Variants in KIAA0825 observed in about 807,000 individuals in gnomAD.
The protein encoded by KIAA0825 is KIAA0825, also known as uncharacterized protein KIAA0825.
A neutral mutation model predicts 147.6 loss-of-function variants in KIAA0825; 119 were observed. The observed-to-expected ratio is 0.81, with a 90% CI of 0.69 to 0.94. The LOEUF is 0.94. Among genes scored for constraint, KIAA0825 ranks in the 40% least tolerant of loss-of-function variants. The probability of loss-of-function intolerance (pLI) is 0.00; values close to 1 mark genes in which losing one functional copy is unlikely to be tolerated. For missense variants in KIAA0825, 1,381 were observed against 1,472.7 expected (o/e 0.94, Z 1.02); for synonymous variants, 470 against 518.1 (o/e 0.91, Z 1.26).
At chr5:94,432,753 C>T (rs536547597) in intron 14 of KIAA0825, among the ~76,000 whole-genome samples, 1 of 152,246 alleles carries the variant, frequency 6.6e-6, no homozygotes, top group Non-Finnish European at 1.5e-5. Context: ...AAACAAAACA[C>T]ATGGCTGGGT....
At position 94,508,540 on chromosome 5, in the gene KIAA0825, G is replaced by T. The variant is rs192317884; in HGVS notation, c.970+11708C>A. ...TTTGTTTTAGAATATGAAAAAAAAG[G>T]GGGGGGAAGTAAGGAAATCCCTTAA... is the stretch of plus-strand genomic sequence containing the variant. On this transcript the variant is annotated intron_variant, in intron 5 of 20. Transcript: ENST00000682413. 3.2e-4 allele frequency among the ~76,000 whole-genome samples: 48 copies of T among 152,114 alleles called. 1 individual carries two copies. The highest frequency in any genetic ancestry group is 4.6e-4 in the Admixed American group (7 of 15,286).
At chr5:94,515,652 C>A (rs1054562699) in intron 5 of KIAA0825, among the ~76,000 whole-genome samples, 1 of 151,802 alleles carries the variant, frequency 6.6e-6, no homozygotes, top group African/African-American at 2.4e-5. Context: ...AGTAGCTGGG[C>A]GTGGTGGCAG....
At chr5:94,595,672 G>C (rs1785178332) in intron 1 of KIAA0825, among the ~76,000 whole-genome samples, 1 of 152,138 alleles carries the variant, frequency 6.6e-6, no homozygotes, top group African/African-American at 2.4e-5. Context: ...CTTTGCTATT[G>C]CATCAGCAGG....
At chr5:94,536,777 T>A (rs547343949) in intron 3 of KIAA0825, among the ~76,000 whole-genome samples, 5 of 152,326 alleles carry the variant, frequency 3.3e-5, no homozygotes, top group African/African-American at 1.2e-4. Context: ...AATTGCCTAT[T>A]TCAAGATAGT....
At chr5:94,539,942 G>A (rs1490555080) in intron 2 of KIAA0825, among the ~76,000 whole-genome samples, 1 of 152,128 alleles carries the variant, frequency 6.6e-6, no homozygotes, top group East Asian at 1.9e-4. Flanking sequence ...GCATGTACAG[G>A]ATCACAGGAC....
At chr5:94,517,454 T>A (rs1767442140) in intron 5 of KIAA0825, among the ~76,000 whole-genome samples, 1 of 151,874 alleles carries the variant, frequency 6.6e-6, no homozygotes, top group Non-Finnish European at 1.5e-5. Flanking sequence ...TGATGGAAAA[T>A]TTACAGGTCA....
chr5:94,247,606 T>C (rs1249274789), intron 20 of KIAA0825, among the ~76,000 whole-genome samples: 1 of 152,148 alleles, frequency 6.6e-6, no homozygotes, highest in East Asian at 1.9e-4. Context: ...CTTCCCTTTA[T>C]CCAGCACGTA....
At chr5:94,463,578 C>T (rs1336879538) in intron 11 of KIAA0825, among the ~76,000 whole-genome samples, 1 of 151,200 alleles carries the variant, frequency 6.6e-6, no homozygotes. Context: ...GAGAGACACA[C>T]ATACACAATC....
intron 2 of KIAA0825, among the ~76,000 whole-genome samples, chr5:94,556,453 T>A (rs1776563067): frequency 6.6e-6 from 1 of 152,232 alleles, no homozygotes; most frequent in South Asian, 2.1e-4. Context: ...ATGCACTTTG[T>A]ATCAAAATGC....
chr5:94,255,034 A>G (rs897921217), intron 20 of KIAA0825, among the ~76,000 whole-genome samples: 1 of 151,770 alleles, frequency 6.6e-6, no homozygotes. Context: ...GTGCTACCTC[A>G]TATTGTTATT....
At chr5:94,346,993 C>T (rs1783077280) in intron 20 of KIAA0825, among the ~76,000 whole-genome samples, 3 of 152,188 alleles carry the variant, frequency 2.0e-5, no homozygotes, top group African/African-American at 7.2e-5. Context: ...TGAGACTGGC[C>T]CTTCAGTTTA....
chr5:94,464,726 CAGG>C (rs2150963196), intron 11 of KIAA0825, 140 bp downstream of exon 11: 1 of 703,632 alleles, frequency 1.4e-6, no homozygotes, highest in Admixed American at 3.1e-5. Flanking sequence ...TTAAATAACT[CAGG>C]AGAATAGAAT....
intron 20 of KIAA0825, among the ~76,000 whole-genome samples, chr5:94,300,923 C>G (rs1778369091): frequency 6.6e-6 from 1 of 152,130 alleles, no homozygotes; most frequent in Non-Finnish European, 1.5e-5. Context: ...AGTCAGTACA[C>G]TTGCTGACAC....
chr5:94,224,840 T>A (rs1361316417), intron 20 of KIAA0825, among the ~76,000 whole-genome samples: 1 of 152,158 alleles, frequency 6.6e-6, no homozygotes, highest in Admixed American at 6.5e-5. Context: ...CTAATCTTGA[T>A]CCCTCTTTTC....
At chr5:94,489,794 G>A (rs1380759262) in intron 5 of KIAA0825, among the ~76,000 whole-genome samples, 1 of 150,268 alleles carries the variant, frequency 6.7e-6, no homozygotes, top group Non-Finnish European at 1.5e-5. Context: ...GCTGAGGCAT[G>A]AGAATCACTT....
intron 2 of KIAA0825, chr5:94,569,267 A>G (rs2152319244): frequency 3.7e-6 from 1 of 269,722 alleles, no homozygotes; most frequent in East Asian, 6.5e-5. Context: ...GTGTACCCAA[A>G]AACAACCATT....
intron 5 of KIAA0825, among the ~76,000 whole-genome samples, chr5:94,504,280 G>A (rs922071137): frequency 3.9e-5 from 6 of 152,124 alleles, no homozygotes; most frequent in Non-Finnish European, 8.8e-5. Flanking sequence ...CAGACAATAA[G>A]CTGGAGTGAA....
chr5:94,422,793 CAAAT>C (rs1718700662), intron 14 of KIAA0825, among the ~76,000 whole-genome samples: 1 of 152,150 alleles, frequency 6.6e-6, no homozygotes, highest in African/African-American at 2.4e-5. Context: ...ATTGTTCAAA[CAAAT>C]GTCATCCACT....
At chr5:94,423,139 C>A (rs533342373) in intron 14 of KIAA0825, among the ~76,000 whole-genome samples, 4 of 152,204 alleles carry the variant, frequency 2.6e-5, no homozygotes, top group African/African-American at 7.2e-5. Flanking sequence ...CTATAGTTTT[C>A]GGCTCTTTTG....
Sources: gnomAD v4.1 joint callset for allele counts (sites outside exome capture counted in the v4.1 genomes callset) on GRCh38, gnomAD v4.1.1 for gene constraint, MANE v1.5 for transcripts, NCBI Gene and HGNC (gene_info 2026-07-23, HGNC 2026-07-21) for gene names.